Variants in ATP8A1 observed in about 807,000 individuals in gnomAD.
The protein encoded by ATP8A1 is ATPase phospholipid transporting 8A1.
In ATP8A1, 90 loss-of-function variants were observed where a neutral mutation model predicts 177.7. That is an observed-to-expected ratio of 0.51 (90% confidence interval 0.43 to 0.60). The LOEUF is 0.60. ATP8A1 is among the 20% of genes least tolerant of loss of function. The pLI is 0.00. For synonymous variants in ATP8A1, 493 were observed against 485.9 expected (o/e 1.01, Z -0.19); for missense variants, 1,072 against 1,392.8 (o/e 0.77, Z 3.67).
chr4:42,581,375 C>T (rs140098800), intron 10 of ATP8A1, among the ~76,000 whole-genome samples: 35 of 152,286 alleles, frequency 2.3e-4, no homozygotes, highest in African/African-American at 7.7e-4. Flanking sequence ...CCTTGTGATC[C>T]GCCCGCCTTG....
intron 25 of ATP8A1, among the ~76,000 whole-genome samples, chr4:42,470,203 G>A (rs16854399): frequency 0.025 from 3,814 of 152,276 alleles, 151 homozygotes; most frequent in African/African-American, 0.085. Context: ...GGTCCTTTCT[G>A]ATACAACCTA....
intron 24 of ATP8A1, among the ~76,000 whole-genome samples, chr4:42,488,446 G>C (rs1722418301): frequency 6.6e-6 from 1 of 151,746 alleles, no homozygotes. Context: ...GGCGCAGCAA[G>C]TTAGAAATGG....
chr4:42,625,389 A>G (rs1381335115), intron 3 of ATP8A1: 2 of 342,904 alleles, frequency 5.8e-6, no homozygotes, highest in African/African-American at 2.1e-5. Context: ...CAAAATGAAC[A>G]GTCCTTGCCA....
At chr4:42,440,626 A>T (rs1716519135) in intron 33 of ATP8A1, among the ~76,000 whole-genome samples, 2 of 152,144 alleles carry the variant, frequency 1.3e-5, no homozygotes, top group Non-Finnish European at 2.9e-5. Flanking sequence ...GGATTGATTG[A>T]TTGAAAAAAA....
chr4:42,567,236 T>C (rs1179841428), intron 15 of ATP8A1, among the ~76,000 whole-genome samples: 2 of 152,206 alleles, frequency 1.3e-5, no homozygotes, highest in African/African-American at 4.8e-5. Flanking sequence ...AATCCAAGTA[T>C]ATATTTAAAA....
chr4:42,544,132 T>C (rs1430673929), intron 19 of ATP8A1, 146 bp from the exon 20 acceptor site: 2 of 634,152 alleles, frequency 3.2e-6, no homozygotes, highest in Non-Finnish European at 5.4e-6. Context: ...ACACAAACTA[T>C]CCCTTGGGTG....
intron 5 of ATP8A1, among the ~76,000 whole-genome samples, chr4:42,604,855 T>A (rs1735636394): frequency 6.6e-6 from 1 of 152,166 alleles, no homozygotes; most frequent in Admixed American, 6.5e-5. Context: ...AAAAATAATT[T>A]AAGTGTGGAT....
rs1190197384 is a variant in ATP8A1, at chr4:42,578,346, T to C, written c.1042A>G (p.Ile348Val). The C allele has an allele frequency of 1.2e-6, 2 of 1,613,134 alleles. No individual in the cohort carries two copies. Among genetic ancestry groups the C allele is most frequent in the South Asian group, 1.1e-5 (1 of 90,938 alleles). ...GGAATGAGATTGTTGAAAAGGATGA[T>C]GAAGGTCAAGAAATTCAGTCCAAAA... is the stretch of plus-strand genomic sequence containing the variant. ...SNFGLNFLTF[I>V]ILFNNLIPIS... is the part of the protein sequence containing the mutation. The change falls in exon 12 of 37, where the codon ATC (isoleucine) becomes GTC (valine). Residue 348 changes from isoleucine (I) to valine (V), a missense_variant. Transcript: ENST00000381668.
chr4:42,618,546 A>G (rs1488879925), intron 4 of ATP8A1, among the ~76,000 whole-genome samples: 1 of 152,070 alleles, frequency 6.6e-6, no homozygotes, highest in Non-Finnish European at 1.5e-5. Context: ...ATTTACCCAA[A>G]CCAGGAAATT....
chr4:42,458,135 G>A (rs924905018), intron 27 of ATP8A1, among the ~76,000 whole-genome samples: 5 of 152,172 alleles, frequency 3.3e-5, no homozygotes, highest in Non-Finnish European at 5.9e-5. Context: ...CTACCAGCAG[G>A]CCGATTTCAA....
chr4:42,497,128 C>T (rs1159147759), intron 24 of ATP8A1, among the ~76,000 whole-genome samples: 8 of 152,282 alleles, frequency 5.3e-5, no homozygotes, highest in Non-Finnish European at 5.9e-5. Flanking sequence ...GGAGAAGGTA[C>T]GGTTATTTAA....
At chr4:42,487,574 C>T (rs540270690) in intron 24 of ATP8A1, among the ~76,000 whole-genome samples, 1 of 152,016 alleles carries the variant, frequency 6.6e-6, no homozygotes, top group South Asian at 2.1e-4. Context: ...ATACAGTACA[C>T]TTATATAACA....
chr4:42,421,676 T>C (rs1402402814), intron 35 of ATP8A1, among the ~76,000 whole-genome samples: 1 of 152,132 alleles, frequency 6.6e-6, no homozygotes, highest in African/African-American at 2.4e-5. Flanking sequence ...AGCCAAGGTC[T>C]CACTGAGTTC....
At chr4:42,465,776 T>C (rs905300349) in intron 25 of ATP8A1, among the ~76,000 whole-genome samples, 2 of 152,210 alleles carry the variant, frequency 1.3e-5, no homozygotes, top group Non-Finnish European at 2.9e-5. Flanking sequence ...CTCATGCCTG[T>C]AATCCCAGCA....
intron 25 of ATP8A1, among the ~76,000 whole-genome samples, chr4:42,477,931 T>C (rs1451347910): frequency 6.6e-6 from 1 of 151,864 alleles, no homozygotes; most frequent in African/African-American, 2.4e-5. Flanking sequence ...TTCGGTGAGC[T>C]AAGATCAGGC....
At chr4:42,470,030 C>G (rs187272300) in intron 25 of ATP8A1, among the ~76,000 whole-genome samples, 5 of 152,276 alleles carry the variant, frequency 3.3e-5, no homozygotes, top group Admixed American at 2.6e-4. Context: ...TTATTTTAAC[C>G]ATTTGTGGGT....
At chr4:42,473,704 G>A (rs1156960989) in intron 25 of ATP8A1, among the ~76,000 whole-genome samples, 1 of 152,022 alleles carries the variant, frequency 6.6e-6, no homozygotes, top group African/African-American at 2.4e-5. Flanking sequence ...GGAATGCAGT[G>A]GCACAATCTT....
At chr4:42,592,392 C>T (rs568906123) in intron 6 of ATP8A1, among the ~76,000 whole-genome samples, 1 of 152,038 alleles carries the variant, frequency 6.6e-6, no homozygotes, top group South Asian at 2.1e-4. Context: ...TGGATAGAGT[C>T]AGACGGCAAA....
rs75974013 is a variant in ATP8A1, at chr4:42,417,458, G to C, written c.3306-2740C>G. On this transcript the variant is annotated intron_variant, in intron 35 of 36. Transcript: ENST00000381668. The stretch of plus-strand genomic sequence containing the variant: ...TTACATACCAAGCTATGTAAATTTT[G>C]AGTTTGTTTAATGCAATCACACAAC... Among the ~76,000 whole-genome samples, 867 of 151,992 alleles carry C rather than the reference G, an allele frequency of 5.7e-3. 10 individuals carry two copies. Among genetic ancestry groups the C allele is most frequent in the African/African-American group, 0.019 (795 of 41,452 alleles).
Sources: allele counts gnomAD v4.1 joint callset (sites outside exome capture counted in the v4.1 genomes callset), GRCh38; gene constraint gnomAD v4.1.1; transcripts MANE v1.5; gene names NCBI Gene and HGNC (gene_info 2026-07-23, HGNC 2026-07-21).